CHD6: variants seen among roughly 807,000 people sequenced by gnomAD.
CHD6 encodes chromodomain helicase DNA binding protein 6.
In CHD6, 50 loss-of-function variants were observed where a neutral mutation model predicts 276.9. The observed-to-expected ratio is 0.18, with a 90% CI of 0.14 to 0.23. The LOEUF is 0.23. Ranked by LOEUF, CHD6 falls within the 10% of genes least tolerant of loss-of-function variation. The probability of loss-of-function intolerance (pLI) is 1.00; values close to 1 mark genes in which losing one functional copy is unlikely to be tolerated. For missense variants in CHD6, 2,564 were observed against 3,365.8 expected, an observed-to-expected ratio of 0.76 and a Z score of 5.89; for synonymous variants, 1,173 against 1,229.3, an observed-to-expected ratio of 0.95 and a Z score of 0.96.
intron 3 of CHD6, among the ~76,000 whole-genome samples, chr20:41,527,716 T>G (rs2044577749): frequency 6.6e-6 from 1 of 152,236 alleles, no homozygotes; most frequent in Admixed American, 6.5e-5. Flanking sequence ...AGCACAGATC[T>G]ACTGCATAAC....
chr20:41,526,433 C>A (rs2044537741), intron 3 of CHD6, among the ~76,000 whole-genome samples: 1 of 152,172 alleles, frequency 6.6e-6, no homozygotes, highest in African/African-American at 2.4e-5. Context: ...GCTGATTGAC[C>A]TTCAAATAAA....
intron 1 of CHD6, among the ~76,000 whole-genome samples, chr20:41,588,132 C>A (rs773193024): frequency 6.6e-6 from 1 of 151,996 alleles, no homozygotes; most frequent in Non-Finnish European, 1.5e-5. Flanking sequence ...TGGCAAAATC[C>A]TAGAGAGACT....
In CHD6 at chr20:41,452,873, C is replaced by T. The variant is rs1388279313; in HGVS notation, c.3190G>A (p.Glu1064Lys). 2 of 1,613,446 alleles carry T rather than the reference C, an allele frequency of 1.2e-6. No homozygotes were observed. Among genetic ancestry groups the T allele is most frequent in the Non-Finnish European group, 1.7e-6 (2 of 1,179,948 alleles). The change falls in exon 21 of 37, where the codon GAG becomes AAG. Residue 1064 changes from glutamate (E) to lysine (K), a missense_variant. Glu to Lys is a moderately conservative substitution (Grantham distance 56). Transcript: ENST00000373233. The surrounding 1 kb of genome is among the most constrained non-coding windows in gnomAD (Gnocchi z 4.2). ...TKHYNSFEED[E>K]LMEFSELDSD... Reference sequence around the variant, plus strand: ...TCTAACTCTGAAAACTCCATGAGCTCGTCTTCCTCAAACGAGTTGTAGTGT... The same window carrying T: ...TCTAACTCTGAAAACTCCATGAGCTTGTCTTCCTCAAACGAGTTGTAGTGT...
At chr20:41,540,698 TG>T (rs2044924448) in intron 2 of CHD6, among the ~76,000 whole-genome samples, 1 of 152,204 alleles carries the variant, frequency 6.6e-6, no homozygotes, top group African/African-American at 2.4e-5. Context: ...AAGGCCTCGC[TG>T]GCTCCTGCTG....
chr20:41,490,083 T>C (rs2043511004), intron 11 of CHD6, 62 bp from the exon 12 acceptor site: 1 of 1,428,212 alleles, frequency 7.0e-7, no homozygotes, highest in Non-Finnish European at 9.8e-7. Context: ...AGAGGCTGGT[T>C]ATAACTTGAA....
At position 41,525,465 on chromosome 20, in the gene CHD6, G is replaced by A. The variant is rs531116287; in HGVS notation, c.554+7585C>T. 5.3e-5 allele frequency among the ~76,000 whole-genome samples: 8 copies of A among 152,250 alleles called. No individual in the cohort carries two copies. In the East Asian group the frequency reaches 7.7e-4, roughly 15 times the overall value. Reference sequence around the variant, plus strand: ...CCTCTATGTTTGCTGCAAACACAGCGCCTGCCTGAGCTCTGAGCTAGGACT... The same window carrying A: ...CCTCTATGTTTGCTGCAAACACAGCACCTGCCTGAGCTCTGAGCTAGGACT... On this transcript the variant is annotated intron_variant, in intron 3 of 36. Transcript: ENST00000373233.
chr20:41,426,352 G>GA (rs1569065642), intron 27 of CHD6, among the ~76,000 whole-genome samples, 199 bp from the exon 28 acceptor site: 1 of 150,582 alleles, frequency 6.6e-6, no homozygotes, highest in East Asian at 1.9e-4. Flanking sequence ...TTTAAAATAA[G>GA]TTTTTTTTTT....
At chr20:41,525,687 T>A (rs1315686451) in intron 3 of CHD6, among the ~76,000 whole-genome samples, 1 of 152,220 alleles carries the variant, frequency 6.6e-6, no homozygotes, top group African/African-American at 2.4e-5. Context: ...AGAACATTTG[T>A]TTAAATGTCT....
chr20:41,617,251 G>A (rs1407386596), intron 1 of CHD6, among the ~76,000 whole-genome samples: 2 of 152,024 alleles, frequency 1.3e-5, no homozygotes, highest in Non-Finnish European at 2.9e-5. Flanking sequence ...ATTACTAATG[G>A]TCCATAAACC....
intron 1 of CHD6, among the ~76,000 whole-genome samples, chr20:41,570,985 A>AGC (rs2045410132): frequency 6.6e-6 from 1 of 152,048 alleles, no homozygotes; most frequent in African/African-American, 2.4e-5. Context: ...AACAGTACTG[A>AGC]GCTGCTTCTG....
At chr20:41,422,862 T>C (rs138140810) in intron 30 of CHD6, among the ~76,000 whole-genome samples, 1 of 152,228 alleles carries the variant, frequency 6.6e-6, no homozygotes, top group Non-Finnish European at 1.5e-5. Context: ...AAGGCTGGTA[T>C]GTCTTGTGCG....
At chr20:41,613,790 A>G (rs971768848) in intron 1 of CHD6, among the ~76,000 whole-genome samples, 11 of 152,218 alleles carry the variant, frequency 7.2e-5, no homozygotes, top group Non-Finnish European at 1.6e-4. Flanking sequence ...GAGAATCATA[A>G]AAAACAATGG....
intron 1 of CHD6, among the ~76,000 whole-genome samples, chr20:41,592,033 A>G (rs968086971): frequency 7.9e-5 from 12 of 152,126 alleles, no homozygotes; most frequent in African/African-American, 2.9e-4. Context: ...CAGGAGGCAG[A>G]GCTTGTAGTG....
chr20:41,417,217 G>A lies in CHD6; in HGVS notation c.6260C>T (p.Ser2087Phe), dbSNP rs1248887912. The A allele has an allele frequency of 6.2e-7, 1 of 1,613,994 alleles. No homozygotes were observed. Among genetic ancestry groups the A allele is most frequent in the Admixed American group, 1.7e-5 (1 of 59,960 alleles). Residue 2087 changes from serine to phenylalanine, a missense_variant, in exon 32 of 37, where the codon TCC (serine) becomes TTC (phenylalanine). Transcript: ENST00000373233. ...GGGTACCTTTGGCCACTCAGAGAAG[G>A]AATAGAGAGTTTTCTCCTGTAGCAG... ...AQLLQEKTLY[S>F]FSEWPKDRVI...
At chr20:41,488,816 C>T (rs1328232369) in intron 12 of CHD6, among the ~76,000 whole-genome samples, 1 of 152,200 alleles carries the variant, frequency 6.6e-6, no homozygotes, top group African/African-American at 2.4e-5. Context: ...AGCGAGACAA[C>T]ATCTGCCCTC....
intron 7 of CHD6, chr20:41,497,935 C>T: frequency 2.0e-6 from 1 of 505,202 alleles, no homozygotes; most frequent in South Asian, 2.6e-5. Flanking sequence ...TGAGTCTGAG[C>T]CAATGGTCTT....
chr20:41,459,650 C>T (rs1053329590), intron 17 of CHD6, among the ~76,000 whole-genome samples: 3 of 152,196 alleles, frequency 2.0e-5, no homozygotes, highest in Non-Finnish European at 2.9e-5. Flanking sequence ...CCTCATTTTT[C>T]TCTTGCCGCC....
intron 1 of CHD6, among the ~76,000 whole-genome samples, chr20:41,556,393 A>T (rs1274757322): frequency 6.7e-6 from 1 of 149,852 alleles, no homozygotes; most frequent in Non-Finnish European, 1.5e-5. Context: ...CTTTCTGAAG[A>T]GCACTCAGGC....
intron 2 of CHD6, among the ~76,000 whole-genome samples, chr20:41,533,845 T>C (rs1054378688): frequency 8.5e-5 from 13 of 152,172 alleles, no homozygotes; most frequent in African/African-American, 3.1e-4. Context: ...TGCTGTTCTG[T>C]ATGATCATCT....
Sources: allele counts gnomAD v4.1 joint callset (sites outside exome capture counted in the v4.1 genomes callset), GRCh38; gene constraint gnomAD v4.1.1; non-coding constraint Gnocchi (gnomAD v3.1); transcripts MANE v1.5; gene names NCBI Gene and HGNC (gene_info 2026-07-23, HGNC 2026-07-21).